Variants in BRDT observed in about 807,000 individuals in gnomAD.
BRDT encodes the protein bromodomain testis-specific protein.
In BRDT, 77 loss-of-function variants were observed where a neutral mutation model predicts 113.9. The ratio of observed to expected loss-of-function variants is 0.68; its 90% confidence interval spans 0.56 to 0.82. The LOEUF (loss-of-function observed/expected upper bound fraction) is 0.82, where lower values mean the gene tolerates loss of function less well. Ranked by LOEUF, BRDT falls within the 40% of genes least tolerant of loss-of-function variation. BRDT has a pLI of 0.00. For missense variants in BRDT, 1,027 were observed against 1,105.4 expected (o/e 0.93, Z 1.01); for synonymous variants, 358 against 366.5 (o/e 0.98, Z 0.26).
intron 1 of BRDT, among the ~76,000 whole-genome samples, chr1:91,956,954 A>C (rs1353269855): frequency 2.0e-5 from 3 of 152,130 alleles, no homozygotes; most frequent in African/African-American, 4.8e-5. Flanking sequence ...AATTTTTAAA[A>C]ATAGAAATAA....
rs1469631320 is a variant in BRDT, at chr1:91,994,068, A to C, written c.2116-15A>C. The C allele has an allele frequency of 6.3e-7, 1 of 1,580,690 alleles. No homozygotes were observed. Among genetic ancestry groups the C allele is most frequent in the Admixed American group, 1.9e-5 (1 of 52,554 alleles). The stretch of plus-strand genomic sequence containing the variant: ...TGGTTAAAACTAAGTGATAACTTTG[A>C]TTTTGTTTTAACAGATAGGATATTG... On this transcript the variant is annotated splice_polypyrimidine_tract_variant and intron_variant, in intron 14 of 18. Transcript: ENST00000399546.
chr1:91,951,910 G>A (rs903894368), intron 1 of BRDT, among the ~76,000 whole-genome samples: 3 of 152,106 alleles, frequency 2.0e-5, no homozygotes, highest in South Asian at 2.1e-4. Context: ...TTAGCCAGGC[G>A]CAGTGGCTCA....
At chr1:91,955,868 A>G (rs1681710744) in intron 1 of BRDT, among the ~76,000 whole-genome samples, 1 of 152,224 alleles carries the variant, frequency 6.6e-6, no homozygotes, top group South Asian at 2.1e-4. Flanking sequence ...TGACAATGAT[A>G]TCAGAATTAT....
At chr1:91,974,378 T>C (rs992439645) in intron 4 of BRDT, among the ~76,000 whole-genome samples, 1 of 152,098 alleles carries the variant, frequency 6.6e-6, no homozygotes, top group Admixed American at 6.6e-5. Flanking sequence ...ATTTTTGCAA[T>C]CTACTCATCT....
chr1:92,004,546 C>T lies in BRDT; in HGVS notation c.2521C>T (p.Arg841Trp), dbSNP rs184028602. 6.2e-6 allele frequency: 10 copies of T among 1,612,960 alleles called. No homozygotes were observed. Among genetic ancestry groups the T allele is most frequent in the African/African-American group, 4.0e-5 (3 of 74,928 alleles). ...KAAIEKEVKA[R>W]TQELIRKHLE... Reference sequence around the variant, plus strand: ...AGCCATAGAAAAGGAAGTAAAAGCTCGGACACAGGAACTCATACGGAAGCA... The same window carrying T: ...AGCCATAGAAAAGGAAGTAAAAGCTTGGACACAGGAACTCATACGGAAGCA... The change falls in exon 17 of 19, where the codon CGG (arginine) becomes TGG (tryptophan). Residue 841 changes from arginine (R) to tryptophan (W), a missense_variant. Coordinates refer to ENST00000399546, the MANE Select transcript of BRDT (RefSeq NM_207189.4).
intron 7 of BRDT, 77 bp downstream of exon 7, chr1:91,978,373 A>C: frequency 6.5e-7 from 1 of 1,534,684 alleles, no homozygotes; most frequent in Non-Finnish European, 8.8e-7. Context: ...ATAATGTAAG[A>C]GATAAAGAAT....
chr1:91,995,723 G>A (rs1020949713), intron 15 of BRDT, among the ~76,000 whole-genome samples: 23 of 150,620 alleles, frequency 1.5e-4, no homozygotes, highest in African/African-American at 4.6e-4. Context: ...TGCAACCTCC[G>A]TCTCCCAGGT....
Position 91,979,700 on chromosome 1 carries a change from C to T in BRDT, c.1230C>T (p.Asn410=), listed in dbSNP as rs3088232. 3.4e-5 allele frequency: 55 copies of T among 1,613,432 alleles called. No homozygotes were observed. Among genetic ancestry groups the T allele is most frequent in the Non-Finnish European group, 4.1e-5 (48 of 1,179,892 alleles). The change falls in exon 8 of 19, where the codon AAC becomes AAT. Residue 410 remains asparagine (N), a synonymous_variant. Transcript: ENST00000399546. ...ENTNEASSEG[N]SSDDSEDERV... is the part of the protein sequence containing the mutation. ...CTAATGAAGCCTCCTCTGAAGGGAA[C>T]TCTTCTGATGATTCTGAAGATGAGC...
intron 15 of BRDT, among the ~76,000 whole-genome samples, chr1:91,999,277 C>G (rs1022951385): frequency 6.6e-6 from 1 of 152,158 alleles, no homozygotes; most frequent in Non-Finnish European, 1.5e-5. Context: ...TGGCTGGATA[C>G]TGTCCAGGTT....
rs550858429 is a variant in BRDT, at chr1:91,985,629, T to A, written c.2002+3874T>A. Among the ~76,000 whole-genome samples, 5 of 140,674 alleles carry A rather than the reference T, an allele frequency of 3.6e-5. No individual in the cohort carries two copies. In the Admixed American group the frequency reaches 3.9e-4, roughly 11 times the overall value. 92.3% of individuals were successfully genotyped at this position (140,674 alleles called of 152,430 possible). On this transcript the variant is annotated intron_variant, in intron 12 of 18. Transcript: ENST00000399546. The stretch of plus-strand genomic sequence containing the variant: ...GTTTGTGTCAGAGACAGAGCTTTAA[T>A]TAGTTTTGCTTTTTTTTTTTTTTTT...
At chr1:91,956,161 A>G (rs1245790844) in intron 1 of BRDT, among the ~76,000 whole-genome samples, 1 of 152,158 alleles carries the variant, frequency 6.6e-6, no homozygotes, top group Non-Finnish European at 1.5e-5. Context: ...ACAATCCCCT[A>G]GATTTCCCTA....
chr1:91,951,453 AGGCGGGGC>A (rs1205252616), intron 1 of BRDT, among the ~76,000 whole-genome samples: 1 of 152,020 alleles, frequency 6.6e-6, no homozygotes, highest in East Asian at 1.9e-4. Context: ...GATTGGCATA[AGGCGGGGC>A]GGCAGGGTGG....
chr1:91,959,014 A>C (rs533666447), intron 1 of BRDT, among the ~76,000 whole-genome samples: 2 of 152,134 alleles, frequency 1.3e-5, no homozygotes, highest in Admixed American at 6.6e-5. Flanking sequence ...ATACTGTTGC[A>C]CTCCAGCCTG....
At chr1:91,955,261 C>T (rs1392719361) in intron 1 of BRDT, among the ~76,000 whole-genome samples, 1 of 151,980 alleles carries the variant, frequency 6.6e-6, no homozygotes, top group African/African-American at 2.4e-5. Context: ...TTCAAGACAG[C>T]CTGGCCAACA....
intron 2 of BRDT, among the ~76,000 whole-genome samples, chr1:91,963,496 T>C (rs1027382466): frequency 1.3e-5 from 2 of 152,222 alleles, no homozygotes; most frequent in African/African-American, 4.8e-5. Flanking sequence ...ACTTCACCTT[T>C]TGGATGCAGA....
At position 92,005,293 on chromosome 1, in the gene BRDT, A is replaced by G. The variant is rs746713291; in HGVS notation, c.2769A>G (p.Arg923=). ...ARQKEQERRR[R]EAMVGTIDMT... ...AGAAAGAACAAGAGAGGAGGAGGAG[A>G]GAAGCAGTAAGTGAATTTTAGTTTA... The change falls in exon 18 of 19, where the codon AGA becomes AGG. Residue 923 remains arginine (R), a synonymous_variant. Transcript: ENST00000399546. 8 of 1,543,288 alleles carry G rather than the reference A, an allele frequency of 5.2e-6. No individual in the cohort carries two copies. The South Asian group carries it at 1.0e-4, about 20-fold the overall frequency.
intron 1 of BRDT, among the ~76,000 whole-genome samples, chr1:91,957,823 T>C (rs1237016088): frequency 1.3e-5 from 2 of 152,090 alleles, no homozygotes; most frequent in Non-Finnish European, 2.9e-5. Flanking sequence ...CTCTATAGTT[T>C]TGTGTTTTTT....
At chr1:91,963,299 A>G (rs1682691870) in intron 2 of BRDT, among the ~76,000 whole-genome samples, 1 of 152,176 alleles carries the variant, frequency 6.6e-6, no homozygotes, top group South Asian at 2.1e-4. Flanking sequence ...GGGCAACAAG[A>G]GTAAAACTCC....
chr1:91,981,601 G>GT lies in BRDT; in HGVS notation c.1865-14dup. On this transcript the variant is annotated splice_polypyrimidine_tract_variant and intron_variant, in intron 11 of 18. Transcript: ENST00000399546. ...TTTAATTCTTCTGGCATTTTAATAT[G>GT]TTTCTCTGTTTTGTAGCTGATAAAA... is the stretch of plus-strand genomic sequence containing the variant. 5 of 1,608,290 alleles carry GT rather than the reference G, an allele frequency of 3.1e-6. No homozygotes were observed. Among genetic ancestry groups the GT allele is most frequent in the Non-Finnish European group, 3.4e-6 (4 of 1,177,818 alleles).
Sources: allele counts gnomAD v4.1 joint callset (sites outside exome capture counted in the v4.1 genomes callset), GRCh38; gene constraint gnomAD v4.1.1; transcripts MANE v1.5; gene names NCBI Gene and HGNC (gene_info 2026-07-23, HGNC 2026-07-21).